The following RAPGEF6 variants were observed in gnomAD, a reference collection of about 807,000 sequenced individuals.
The protein encoded by RAPGEF6 is Rap guanine nucleotide exchange factor 6.
RAPGEF6 carries 56 observed loss-of-function variants against 171.4 expected under a neutral mutation model. The observed-to-expected ratio is 0.33, with a 90% confidence interval of 0.26 to 0.41. RAPGEF6 has a LOEUF of 0.41. RAPGEF6 is among the 10% of genes least tolerant of loss of function. The probability of loss-of-function intolerance (pLI) is 1.00; values close to 1 mark genes in which losing one functional copy is unlikely to be tolerated. For missense variants in RAPGEF6, 1,674 were observed against 1,921.4 expected, an observed-to-expected ratio of 0.87 and a Z score of 2.41; for synonymous variants, 692 against 650.1, an observed-to-expected ratio of 1.06 and a Z score of -0.98.
intron 11 of RAPGEF6, among the ~76,000 whole-genome samples, chr5:131,499,532 G>A (rs1253051790): frequency 7.8e-6 from 1 of 127,950 alleles, no homozygotes; most frequent in Non-Finnish European, 1.6e-5. Context: ...AGAGAGCGGA[G>A]ATCATGCCAC....
intron 12 of RAPGEF6, among the ~76,000 whole-genome samples, chr5:131,496,045 C>T (rs1325863289): frequency 2.6e-5 from 4 of 152,038 alleles, no homozygotes; most frequent in African/African-American, 9.7e-5. Flanking sequence ...AAAACGGTAA[C>T]AAAAACAAAT....
At chr5:131,613,688 G>A (rs1343742634) in intron 1 of RAPGEF6, among the ~76,000 whole-genome samples, 12 of 151,968 alleles carry the variant, frequency 7.9e-5, no homozygotes, top group African/African-American at 2.4e-5. Context: ...GAAACATATG[G>A]TCAAAAATAG....
chr5:131,446,078 A>G (rs1488221579), intron 22 of RAPGEF6, among the ~76,000 whole-genome samples: 1 of 152,126 alleles, frequency 6.6e-6, no homozygotes, highest in Non-Finnish European at 1.5e-5. Flanking sequence ...TGGCACCTGT[A>G]AGCTACCTAT....
Position 131,528,018 on chromosome 5 carries a change from AAAT to A in RAPGEF6, c.496-6500_496-6498del, listed in dbSNP as rs1315682893. Among the ~76,000 whole-genome samples the A allele has an allele frequency of 2.4e-3, 329 of 139,810 alleles. 1 individual carries two copies. The highest frequency in any genetic ancestry group is 8.2e-3 in the African/African-American group (302 of 37,032). The allele number at this position is 139,810 out of a possible 152,430, so 91.7% of individuals were successfully genotyped here. ...GGACAGAGTGAGACTCCGTGTCAAA[AAAT>A]AATAATAATTATTATTATATATAAT... On this transcript the variant is annotated intron_variant, in intron 6 of 27. Transcript: ENST00000509018.
At chr5:131,630,094 T>C (rs1008838141) in intron 1 of RAPGEF6, among the ~76,000 whole-genome samples, 27 of 152,210 alleles carry the variant, frequency 1.8e-4, no homozygotes, top group Admixed American at 9.8e-4. Context: ...AAATCTTTCA[T>C]GAAAGAAAGT....
At chr5:131,503,724 T>C (rs1014575920) in intron 11 of RAPGEF6, among the ~76,000 whole-genome samples, 1 of 152,172 alleles carries the variant, frequency 6.6e-6, no homozygotes, top group Admixed American at 6.5e-5. Context: ...ATCCAAGTCT[T>C]TAAAGAGAAA....
At chr5:131,460,031 CTGAACA>C (rs1285091419) in intron 19 of RAPGEF6, among the ~76,000 whole-genome samples, 1 of 152,076 alleles carries the variant, frequency 6.6e-6, no homozygotes, top group Non-Finnish European at 1.5e-5. Context: ...TTTGATCTAC[CTGAACA>C]TGAAGTACAA....
chr5:131,463,820 G>C, intron 18 of RAPGEF6: 1 of 1,193,138 alleles, frequency 8.4e-7, no homozygotes. Context: ...ATGAAGATTT[G>C]TATCATTCAG....
intron 6 of RAPGEF6, among the ~76,000 whole-genome samples, chr5:131,540,205 A>C (rs982458277): frequency 6.6e-6 from 1 of 152,226 alleles, no homozygotes; most frequent in Admixed American, 6.5e-5. Flanking sequence ...TCTACTAAGG[A>C]ACTTGAGATC....
chr5:131,510,605 T>G, intron 7 of RAPGEF6, 114 bp from the exon 8 acceptor site: 1 of 907,042 alleles, frequency 1.1e-6, no homozygotes, highest in Non-Finnish European at 1.7e-6. Context: ...TGGGCAACGC[T>G]GGATGCTGCA....
chr5:131,452,176 C>A (rs1010717275), intron 21 of RAPGEF6, among the ~76,000 whole-genome samples: 5 of 150,662 alleles, frequency 3.3e-5, no homozygotes, highest in African/African-American at 7.3e-5. Context: ...GCCGAGATTG[C>A]GCCTCTGCAC....
intron 6 of RAPGEF6, among the ~76,000 whole-genome samples, chr5:131,524,774 C>T (rs970816954): frequency 1.6e-4 from 24 of 152,174 alleles, no homozygotes; most frequent in African/African-American, 5.1e-4. Flanking sequence ...TACCACCATG[C>T]CCAGCTAATT....
intron 6 of RAPGEF6, among the ~76,000 whole-genome samples, chr5:131,533,587 C>T (rs1759553266): frequency 6.6e-6 from 1 of 151,952 alleles, no homozygotes; most frequent in South Asian, 2.1e-4. Context: ...TAAGAATATA[C>T]AAACTAGTAC....
At chr5:131,618,877 T>G (rs138425042) in intron 1 of RAPGEF6, among the ~76,000 whole-genome samples, 1 of 152,220 alleles carries the variant, frequency 6.6e-6, no homozygotes, top group Non-Finnish European at 1.5e-5. Flanking sequence ...TGACAATGTG[T>G]GTCAGTGATG....
intron 3 of RAPGEF6, among the ~76,000 whole-genome samples, chr5:131,594,134 T>A (rs1166226529): frequency 1.3e-5 from 2 of 152,248 alleles, no homozygotes; most frequent in Non-Finnish European, 2.9e-5. Flanking sequence ...ACCCTGCTAC[T>A]CTGTGTAGCC....
intron 1 of RAPGEF6, among the ~76,000 whole-genome samples, chr5:131,620,843 C>T (rs1054524731): frequency 4.6e-5 from 7 of 152,318 alleles, no homozygotes; most frequent in Admixed American, 1.3e-4. Flanking sequence ...CTGCCCACCT[C>T]GGCCTCTCAA....
chr5:131,579,195 G>C (rs6899071), intron 4 of RAPGEF6, among the ~76,000 whole-genome samples: 118,262 of 152,044 alleles, frequency 0.78, 46,320 homozygotes, highest in African/African-American at 0.83. Flanking sequence ...GTTCATTCCT[G>C]CTGGTGGGTT....
intron 4 of RAPGEF6, among the ~76,000 whole-genome samples, chr5:131,591,422 T>C (rs1056419201): frequency 6.6e-6 from 1 of 152,232 alleles, no homozygotes; most frequent in Non-Finnish European, 1.5e-5. Flanking sequence ...CTAAGAGCTT[T>C]ATGTAGAGTA....
At chr5:131,593,814 T>C (rs919460575) in intron 3 of RAPGEF6, among the ~76,000 whole-genome samples, 1 of 152,234 alleles carries the variant, frequency 6.6e-6, no homozygotes, top group African/African-American at 2.4e-5. Context: ...AGAGGTGATC[T>C]GATTGTTTCT....
Sources: allele counts gnomAD v4.1 joint callset (sites outside exome capture counted in the v4.1 genomes callset), GRCh38; gene constraint gnomAD v4.1.1; transcripts MANE v1.5; gene names NCBI Gene and HGNC (gene_info 2026-07-23, HGNC 2026-07-21).